Variants in IGLL5 observed in about 807,000 individuals in gnomAD.
IGLL5 encodes immunoglobulin lambda-like polypeptide 5.
A neutral mutation model predicts 20.9 loss-of-function variants in IGLL5; 30 were observed. The observed-to-expected ratio is 1.44, with a 90% CI of 1.07 to 1.95. The LOEUF is 1.95. Ranked by LOEUF, IGLL5 falls within the 30% of genes most tolerant of loss-of-function variation. The pLI, the probability that IGLL5 is intolerant of heterozygous loss-of-function variation, is 0.00. For missense variants in IGLL5, 475 were observed against 270.7 expected (o/e 1.75, Z -5.30); for synonymous variants, 203 against 117.3 (o/e 1.73, Z -4.72).
At chr22:22,894,501 G>C (rs2146041383) in intron 2 of IGLL5, among the ~76,000 whole-genome samples, 1 of 151,564 alleles carries the variant, frequency 6.6e-6, no homozygotes, top group African/African-American at 2.4e-5. Flanking sequence ...AGATGTGTCT[G>C]TCCCTGGAGC....
chr22:22,894,208 TCTCATA>T, intron 2 of IGLL5, among the ~76,000 whole-genome samples: 1 of 151,100 alleles, frequency 6.6e-6, no homozygotes, highest in South Asian at 2.1e-4. Flanking sequence ...AGCTGCTGAG[TCTCATA>T]GTCTAGGGGA....
At chr22:22,894,148 G>T (rs2067989020) in intron 2 of IGLL5, among the ~76,000 whole-genome samples, 1 of 151,544 alleles carries the variant, frequency 6.6e-6, no homozygotes, top group Non-Finnish European at 1.5e-5. Context: ...TAGGGACATT[G>T]CCCAGTGACT....
Position 22,894,592 on chromosome 22 carries a change from A to G in IGLL5, c.325+774A>G, listed in dbSNP as rs1601627437. Among the ~76,000 whole-genome samples, 7 of 151,314 alleles carry G rather than the reference A, an allele frequency of 4.6e-5. 1 individual carries two copies. Among genetic ancestry groups the G allele is most frequent in the South Asian group, 4.2e-4 (2 of 4,756 alleles). On this transcript the variant is annotated intron_variant, in intron 2 of 2. Coordinates refer to ENST00000526893, the MANE Select transcript of IGLL5 (RefSeq NM_001178126.2). ...CTCAAAGGGCATGTTAGACTCAGGA[A>G]ATGACCAGAGGGGAGTGAATGAGGG... is the stretch of plus-strand genomic sequence containing the variant.
chr22:22,888,577 C>T (rs1045572020), intron 1 of IGLL5, among the ~76,000 whole-genome samples: 1 of 151,376 alleles, frequency 6.6e-6, no homozygotes, highest in Middle Eastern at 3.7e-3. Context: ...AGGGACAGGA[C>T]ATCCACAGGG....
intron 1 of IGLL5, among the ~76,000 whole-genome samples, chr22:22,888,802 A>G (rs557885183): frequency 2.6e-5 from 4 of 151,358 alleles, no homozygotes; most frequent in East Asian, 2.0e-4. Flanking sequence ...GGATGAACCG[A>G]GGGGAGCTGT....
In IGLL5 at chr22:22,888,551, G is replaced by A. The variant is rs558700146; in HGVS notation, c.206+292G>A. Among the ~76,000 whole-genome samples the A allele has an allele frequency of 5.3e-5, 8 of 151,402 alleles. No homozygotes were observed. The East Asian group carries it at 6.1e-4, about 11-fold the overall frequency. On this transcript the variant is annotated intron_variant, in intron 1 of 2. Transcript: ENST00000526893. Reference sequence around the variant, plus strand: ...TCACCTAGTCCTAGTCCTCTGGGTAGGGAAGGAACAGAGGCAGGGACAGGA... The same window carrying A: ...TCACCTAGTCCTAGTCCTCTGGGTAAGGAAGGAACAGAGGCAGGGACAGGA...
chr22:22,894,229 C>T (rs551921816), intron 2 of IGLL5, among the ~76,000 whole-genome samples: 11 of 151,100 alleles, frequency 7.3e-5, no homozygotes, highest in East Asian at 2.0e-4. Flanking sequence ...AGGGGAGCAG[C>T]CCCAAGAACA....
intron 1 of IGLL5, among the ~76,000 whole-genome samples, chr22:22,893,107 G>A (rs942099802): frequency 2.6e-5 from 4 of 151,052 alleles, no homozygotes; most frequent in African/African-American, 9.7e-5. Context: ...AGCTGTTGTC[G>A]GATGAATGAG....
At position 22,895,813 on chromosome 22, in the gene IGLL5, T is replaced by A; in HGVS notation, c.*119T>A. ...CCTGCACTCATGAAACCCCAATAAA[T>A]ATCCTCATTGACAACCAGAAATCTT... On this transcript the variant is annotated 3_prime_UTR_variant, in exon 3 of 3. Transcript: ENST00000526893. The A allele has an allele frequency of 1.1e-6, 1 of 917,352 alleles. No homozygotes were observed. The highest frequency in any genetic ancestry group is 2.5e-5 in the East Asian group (1 of 40,256). The allele number at this position is 917,352 out of a possible 1,614,324, so 56.8% of individuals were successfully genotyped here. A position where few individuals can be genotyped will look rare whatever the true frequency, so the allele number is the denominator to read the frequency against.
intron 1 of IGLL5, among the ~76,000 whole-genome samples, chr22:22,889,307 C>T (rs2067706128): frequency 1.3e-5 from 2 of 150,970 alleles, no homozygotes; most frequent in Admixed American, 6.6e-5. Flanking sequence ...GAGGGCTGAG[C>T]AGAGGGGAGC....
chr22:22,892,760 T>A (rs923259842), intron 1 of IGLL5, among the ~76,000 whole-genome samples: 2 of 150,516 alleles, frequency 1.3e-5, no homozygotes, highest in African/African-American at 4.9e-5. Context: ...CAGTTGTGAG[T>A]GTGCACAATG....
At chr22:22,888,897 C>T (rs550542921) in intron 1 of IGLL5, among the ~76,000 whole-genome samples, 2 of 151,358 alleles carry the variant, frequency 1.3e-5, no homozygotes, top group East Asian at 2.0e-4. Flanking sequence ...CCAGGCTGGT[C>T]TCACAGATCG....
At chr22:22,888,468 T>A (rs550314006) in intron 1 of IGLL5, among the ~76,000 whole-genome samples, 1 of 151,460 alleles carries the variant, frequency 6.6e-6, no homozygotes, top group East Asian at 2.0e-4. Flanking sequence ...GATATTATTT[T>A]TCTTGATTTC....
intron 1 of IGLL5, 61 bp from the exon 2 acceptor site, chr22:22,893,639 C>T (rs1355817434): frequency 1.9e-6 from 2 of 1,056,494 alleles, no homozygotes; most frequent in African/African-American, 3.1e-5. Flanking sequence ...GGCCACCCCC[C>T]TGCCTCATGT....
At chr22:22,895,170 A>T in intron 2 of IGLL5, among the ~76,000 whole-genome samples, 1 of 151,312 alleles carries the variant, frequency 6.6e-6, no homozygotes, top group South Asian at 2.1e-4. Flanking sequence ...GTGAAAGGTG[A>T]CTTGGGAGGG....
chr22:22,888,340 G>T, intron 1 of IGLL5, 81 bp downstream of exon 1: 2 of 1,331,958 alleles, frequency 1.5e-6, no homozygotes, highest in Non-Finnish European at 2.1e-6. Context: ...ACAAGCCAGA[G>T]GAGTGAGGAG....
chr22:22,888,600 T>C (rs191116199), intron 1 of IGLL5, among the ~76,000 whole-genome samples: 1 of 151,316 alleles, frequency 6.6e-6, no homozygotes, highest in Non-Finnish European at 1.5e-5. Flanking sequence ...TGGTGGCCAC[T>C]GTCCCCACAG....
At chr22:22,894,154 T>A (rs530693564) in intron 2 of IGLL5, among the ~76,000 whole-genome samples, 4 of 151,448 alleles carry the variant, frequency 2.6e-5, no homozygotes, top group Admixed American at 6.6e-5. Context: ...CATTGCCCAG[T>A]GACTCCTGGG....
chr22:22,895,816 C>A lies in IGLL5; in HGVS notation c.*122C>A. On this transcript the variant is annotated 3_prime_UTR_variant, in exon 3 of 3. Coordinates refer to ENST00000526893, the MANE Select transcript of IGLL5 (RefSeq NM_001178126.2). ...GCACTCATGAAACCCCAATAAATATCCTCATTGACAACCAGAAATCTTGTT... is the reference window on the plus strand; with the variant it reads ...GCACTCATGAAACCCCAATAAATATACTCATTGACAACCAGAAATCTTGTT... 1 of 898,576 alleles carries A rather than the reference C, an allele frequency of 1.1e-6. No homozygotes were observed. Among genetic ancestry groups the A allele is most frequent in the Non-Finnish European group, 1.8e-6 (1 of 556,712 alleles). 55.7% of individuals were successfully genotyped at this position (898,576 alleles called of 1,614,324 possible). A position where few individuals can be genotyped will look rare whatever the true frequency, so the allele number is the denominator to read the frequency against.
Sources: gnomAD v4.1 joint callset for allele counts (sites outside exome capture counted in the v4.1 genomes callset) on GRCh38, gnomAD v4.1.1 for gene constraint, MANE v1.5 for transcripts, NCBI Gene and HGNC (gene_info 2026-07-23, HGNC 2026-07-21) for gene names.